The following ASMT variants were observed in gnomAD, a reference collection of about 807,000 sequenced individuals.
The protein encoded by ASMT is acetylserotonin N-methyltransferase.
ASMT carries 53 observed loss-of-function variants against 41.3 expected under a neutral mutation model. That is an observed-to-expected ratio of 1.28 (90% CI 1.03 to 1.61). The LOEUF is 1.61. Among genes scored for constraint, ASMT ranks in the 40% most tolerant of loss-of-function variants. ASMT has a pLI of 0.00. For synonymous variants in ASMT, 231 were observed against 184.8 expected (o/e 1.25, Z -2.03); for missense variants, 531 against 441.3 (o/e 1.20, Z -1.82).
chrX:1,635,023 G>T lies in ASMT; in HGVS notation c.788-1415G>T, dbSNP rs1302302865. ...GGAGTCTCGCTCTGTCACCCAGGCT[G>T]GAGTGCAGTGGTGGGATCTCGGCTC... is the stretch of plus-strand genomic sequence containing the variant. On this transcript the variant is annotated intron_variant, in intron 7 of 8. Coordinates refer to ENST00000381241, the MANE Select transcript of ASMT (RefSeq NM_001171038.2). 3.0e-5 allele frequency among the ~76,000 whole-genome samples: 4 copies of T among 135,260 alleles called. No homozygotes were observed. The East Asian group carries it at 6.5e-4, about 22-fold the overall frequency. The allele number at this position is 135,260 out of a possible 152,430, so 88.7% of individuals were successfully genotyped here.
chrX:1,627,853 C>T, intron 4 of ASMT, 82 bp downstream of exon 4: 1 of 1,305,640 alleles, frequency 7.7e-7, no homozygotes, highest in Non-Finnish European at 1.1e-6. Flanking sequence ...AATCCATTTA[C>T]TCAAATGGCA....
chrX:1,620,166 CTTTTTTTT>C (rs1180256764), intron 1 of ASMT, among the ~76,000 whole-genome samples: 36 of 95,406 alleles, frequency 3.8e-4, no homozygotes, highest in African/African-American at 1.4e-3. Context: ...ATTAATATAG[CTTTTTTTT>C]TTTTTTTTTT....
chrX:1,629,286 C>A (rs1718982971), intron 4 of ASMT, among the ~76,000 whole-genome samples: 1 of 152,148 alleles, frequency 6.6e-6, no homozygotes, highest in South Asian at 2.1e-4. Context: ...ACCCCTACAG[C>A]AGGCTCTGCA....
At chrX:1,619,095 T>C (rs1422320868) in intron 1 of ASMT, among the ~76,000 whole-genome samples, 3 of 152,008 alleles carry the variant, frequency 2.0e-5, no homozygotes, top group Non-Finnish European at 2.9e-5. Context: ...CTTAAGAAGA[T>C]AACATTTAGT....
intron 8 of ASMT, among the ~76,000 whole-genome samples, chrX:1,641,282 TA>T (rs1935144173): frequency 9.8e-5 from 2 of 20,412 alleles, no homozygotes; most frequent in Non-Finnish European, 1.9e-4. Context: ...GTGTGTGAGA[TA>T]GGGACCATGT....
intron 4 of ASMT, among the ~76,000 whole-genome samples, chrX:1,629,149 A>T (rs1427422135): frequency 9.2e-5 from 14 of 151,984 alleles, no homozygotes; most frequent in Non-Finnish European, 5.9e-5. Flanking sequence ...TTTAGGGGGC[A>T]CAAGTACCCA....
At chrX:1,616,206 TTTAGTA>T (rs1234823250) in intron 1 of ASMT, among the ~76,000 whole-genome samples, 1 of 144,824 alleles carries the variant, frequency 6.9e-6, no homozygotes, top group Non-Finnish European at 1.5e-5. Context: ...TTTTTGTATT[TTTAGTA>T]GAGATGGGGT....
intron 4 of ASMT, chrX:1,627,996 G>T (rs1453848319): frequency 8.1e-6 from 5 of 617,894 alleles, no homozygotes; most frequent in Non-Finnish European, 1.2e-5. Context: ...CCTTCGAAAG[G>T]ACTACTCACA....
intron 7 of ASMT, 126 bp from the exon 8 acceptor site, chrX:1,636,312 A>G (rs1934960414): frequency 7.3e-7 from 1 of 1,365,230 alleles, no homozygotes; most frequent in Non-Finnish European, 1.0e-6. Context: ...CTAGGTCTGC[A>G]GGTGACTAGC....
chrX:1,628,898 G>C lies in ASMT; in HGVS notation c.444-923G>C, dbSNP rs193136692. Among the ~76,000 whole-genome samples the C allele has an allele frequency of 1.5e-4, 22 of 146,734 alleles. No homozygotes were observed. The South Asian group carries it at 3.9e-3, about 26-fold the overall frequency. On this transcript the variant is annotated intron_variant, in intron 4 of 8. Transcript: ENST00000381241. The stretch of plus-strand genomic sequence containing the variant: ...CCTTTTCTCCTCCTCTCTTCTCCTC[G>C]GTCTGCTTTCCTTTCCCCCGTTTCT...
chrX:1,637,058 G>C (rs1935010253), intron 8 of ASMT, among the ~76,000 whole-genome samples: 1 of 106,868 alleles, frequency 9.4e-6, no homozygotes, highest in South Asian at 3.0e-4. Context: ...TGGCACATGA[G>C]GATGTGGGCA....
intron 1 of ASMT, among the ~76,000 whole-genome samples, chrX:1,617,525 T>C (rs1228339163): frequency 6.6e-6 from 1 of 152,070 alleles, no homozygotes; most frequent in Non-Finnish European, 1.5e-5. Flanking sequence ...GTGCTGACGA[T>C]ATTTTGAGAT....
chrX:1,632,772 G>C lies in ASMT; in HGVS notation c.631G>C (p.Val211Leu), dbSNP rs1464275912. The C allele has an allele frequency of 2.8e-6, 1 of 358,124 alleles. No homozygotes were observed. The highest frequency in any genetic ancestry group is 5.3e-6 in the Non-Finnish European group (1 of 189,198). 22.2% of individuals were successfully genotyped at this position (358,124 alleles called of 1,614,324 possible). ...GCAAGGACAGAAAACCAAACACCGC[G>C]TGTTCTCACTCATAGGTGGGAACTG... ...LSQGQKTKHRVFSLIGGAGAL... is the reference protein window; with the variant it reads ...LSQGQKTKHRLFSLIGGAGAL... Residue 211 changes from valine to leucine, a missense_variant, in exon 6 of 9, where the codon GTG (valine) becomes CTG (leucine). By Grantham distance (32) the Val-to-Leu change is conservative. Transcript: ENST00000381241.
intron 3 of ASMT, among the ~76,000 whole-genome samples, chrX:1,626,606 G>A (rs1248312129): frequency 6.6e-6 from 1 of 152,006 alleles, no homozygotes; most frequent in African/African-American, 2.4e-5. Context: ...CGTAATATAG[G>A]GTTAAATAAA....
At position 1,626,280 on chromosome X, in the gene ASMT, G is replaced by C. The variant is rs1342562113; in HGVS notation, c.375-1423G>C. Among the ~76,000 whole-genome samples the C allele has an allele frequency of 1.7e-4, 25 of 147,330 alleles. 1 individual carries two copies. The highest frequency in any genetic ancestry group is 6.3e-4 in the African/African-American group (25 of 39,750). The stretch of plus-strand genomic sequence containing the variant: ...GACAGAGTTTTGTTTTGTTGCCCAG[G>C]CTGGAGTGCAGTGGTATGATCTCGA... On this transcript the variant is annotated intron_variant, in intron 3 of 8. Transcript: ENST00000381241.
intron 1 of ASMT, among the ~76,000 whole-genome samples, chrX:1,621,733 T>C (rs1449113062): frequency 3.9e-5 from 6 of 152,200 alleles, no homozygotes; most frequent in African/African-American, 1.4e-4. Context: ...TTCGCTCTTG[T>C]TGCCCAGGCT....
intron 7 of ASMT, among the ~76,000 whole-genome samples, chrX:1,635,637 G>A (rs752202222): frequency 3.4e-4 from 51 of 152,050 alleles, no homozygotes; most frequent in South Asian, 8.3e-4. Flanking sequence ...CGAGGCGGGC[G>A]GATCACCTCA....
intron 4 of ASMT, among the ~76,000 whole-genome samples, chrX:1,629,495 G>A (rs1302774534): frequency 1.3e-5 from 2 of 152,122 alleles, no homozygotes; most frequent in African/African-American, 2.4e-5. Flanking sequence ...TTGTCCTCTG[G>A]GGCTGAGCTC....
At chrX:1,622,250 C>T (rs1934363507) in intron 1 of ASMT, among the ~76,000 whole-genome samples, 1 of 151,592 alleles carries the variant, frequency 6.6e-6, no homozygotes, top group African/African-American at 2.4e-5. Context: ...CCTAGGCCTC[C>T]CAAAGTGCTG....
Sources: gnomAD v4.1 joint callset for allele counts (sites outside exome capture counted in the v4.1 genomes callset) on GRCh38, gnomAD v4.1.1 for gene constraint, MANE v1.5 for transcripts, NCBI Gene and HGNC (gene_info 2026-07-23, HGNC 2026-07-21) for gene names.